RBFOX1: variants seen among roughly 807,000 people sequenced by gnomAD.
RBFOX1 encodes the protein RNA binding protein fox-1 homolog 1.
RBFOX1 carries 8 observed loss-of-function variants against 57.7 expected under a neutral mutation model. That is an observed-to-expected ratio of 0.14 (90% confidence interval 0.08 to 0.25). The LOEUF is 0.25. Among genes scored for constraint, RBFOX1 ranks in the 10% least tolerant of loss-of-function variants. RBFOX1 has a pLI of 1.00. For synonymous variants in RBFOX1, 326 were observed against 222.4 expected, an observed-to-expected ratio of 1.47 and a Z score of -4.15; for missense variants, 611 against 548.5, an observed-to-expected ratio of 1.11 and a Z score of -1.14.
intron 7 of RBFOX1, 43 bp from the exon 8 acceptor site, chr16:7,595,506 T>A (rs1257456042): frequency 1.4e-6 from 2 of 1,450,084 alleles, no homozygotes; most frequent in Non-Finnish European, 1.9e-6. Flanking sequence ...TTGACTGAAA[T>A]AATAATCTGC....
intron 3 of RBFOX1, among the ~76,000 whole-genome samples, chr16:7,011,244 T>A (rs138280450): frequency 6.6e-6 from 1 of 152,192 alleles, no homozygotes; most frequent in African/African-American, 2.4e-5. Context: ...TAAGGGCTTT[T>A]GCAACATTAA....
At chr16:7,398,957 T>C (rs888473533) in intron 4 of RBFOX1, among the ~76,000 whole-genome samples, 3 of 152,150 alleles carry the variant, frequency 2.0e-5, no homozygotes, top group Non-Finnish European at 4.4e-5. Flanking sequence ...TCTCTTCCAA[T>C]TGGGAGGCAA....
chr16:7,643,059 T>C (rs529733462), intron 11 of RBFOX1, among the ~76,000 whole-genome samples: 5 of 152,340 alleles, frequency 3.3e-5, no homozygotes, highest in African/African-American at 1.2e-4. Context: ...AATCTAGCCA[T>C]TTATAACCTG....
intron 3 of RBFOX1, among the ~76,000 whole-genome samples, chr16:6,764,675 G>A (rs77360442): frequency 0.36 from 55,425 of 151,998 alleles, 10,373 homozygotes; most frequent in Middle Eastern, 0.49. Context: ...AGTGGCTCAC[G>A]CCTGTAATCC....
chr16:5,315,408 C>G (rs2064209429), intron 1 of RBFOX1, among the ~76,000 whole-genome samples: 1 of 152,142 alleles, frequency 6.6e-6, no homozygotes, highest in South Asian at 2.1e-4. Context: ...GGATCTAAAT[C>G]AACAGTGAAA....
chr16:7,102,757 C>T (rs1032788395), intron 4 of RBFOX1, among the ~76,000 whole-genome samples: 1 of 152,162 alleles, frequency 6.6e-6, no homozygotes, highest in Non-Finnish European at 1.5e-5. Context: ...TAACCTTTTA[C>T]TAAGAATGAA....
intron 2 of RBFOX1, among the ~76,000 whole-genome samples, chr16:5,541,442 A>C (rs2044947915): frequency 6.6e-6 from 1 of 152,104 alleles, no homozygotes. Context: ...ACATTAATGA[A>C]TATAGGTAAG....
chr16:7,348,037 C>G (rs1157621778), intron 4 of RBFOX1, among the ~76,000 whole-genome samples: 1 of 152,224 alleles, frequency 6.6e-6, no homozygotes, highest in East Asian at 1.9e-4. Flanking sequence ...TCGATTTAAG[C>G]TCGTTGCCTC....
At chr16:5,590,414 A>T (rs536957411) in intron 2 of RBFOX1, among the ~76,000 whole-genome samples, 1 of 152,292 alleles carries the variant, frequency 6.6e-6, no homozygotes, top group African/African-American at 2.4e-5. Flanking sequence ...GTTGGGGGAA[A>T]TGAGGGTAGC....
chr16:5,325,191 C>T (rs1310876463), intron 1 of RBFOX1, among the ~76,000 whole-genome samples: 3 of 152,166 alleles, frequency 2.0e-5, no homozygotes, highest in South Asian at 4.1e-4. Context: ...TTCTTCTCTT[C>T]CTCTTTTCTC....
At chr16:7,476,204 C>T (rs1262605677) in intron 4 of RBFOX1, among the ~76,000 whole-genome samples, 1 of 151,982 alleles carries the variant, frequency 6.6e-6, no homozygotes, top group East Asian at 1.9e-4. Context: ...AACTGCTGGG[C>T]TCAAATGATC....
intron 3 of RBFOX1, among the ~76,000 whole-genome samples, chr16:6,671,505 G>A (rs1484813940): frequency 1.3e-5 from 2 of 152,150 alleles, no homozygotes; most frequent in Non-Finnish European, 2.9e-5. Context: ...AGTCTGTTGG[G>A]ATGCATCTAG....
chr16:7,229,730 G>C (rs1448448772), intron 4 of RBFOX1, among the ~76,000 whole-genome samples: 8 of 133,468 alleles, frequency 6.0e-5, no homozygotes, highest in African/African-American at 2.0e-4. Context: ...GGAAGCAAGG[G>C]AGGGAGGGGG....
chr16:7,272,373 CTG>C (rs1726092358), intron 4 of RBFOX1, among the ~76,000 whole-genome samples: 1 of 152,040 alleles, frequency 6.6e-6, no homozygotes, highest in African/African-American at 2.4e-5. Flanking sequence ...TTAGTAGAGA[CTG>C]TGTTCCGCCA....
At chr16:7,074,279 G>A (rs1455354074) in intron 4 of RBFOX1, among the ~76,000 whole-genome samples, 5 of 152,206 alleles carry the variant, frequency 3.3e-5, no homozygotes, top group Non-Finnish European at 5.9e-5. Context: ...GTTCGCAGAT[G>A]GGAAGTCTCA....
At position 7,482,541 on chromosome 16, in the gene RBFOX1, GATTT is replaced by G. The variant is rs1481642735; in HGVS notation, c.28-35605_28-35602del. On this transcript the variant is annotated intron_variant, in intron 4 of 15. Coordinates refer to ENST00000550418, the MANE Select transcript of RBFOX1 (RefSeq NM_018723.4). The stretch of plus-strand genomic sequence containing the variant: ...ATGCATCTTCCCTTTGATTGCCTGG[GATTT>G]TTTTTTTTTTTTTTTTTTTTTTTGG... Among the ~76,000 whole-genome samples, 1,149 of 122,700 alleles carry G rather than the reference GATTT, an allele frequency of 9.4e-3. 31 individuals carry two copies. Among genetic ancestry groups the G allele is most frequent in the African/African-American group, 0.038 (1,103 of 28,936 alleles). 80.5% of individuals were successfully genotyped at this position (122,700 alleles called of 152,430 possible). A position where few individuals can be genotyped will look rare whatever the true frequency, so the allele number is the denominator to read the frequency against.
intron 4 of RBFOX1, among the ~76,000 whole-genome samples, chr16:7,386,385 C>T (rs2097881981): frequency 6.6e-6 from 1 of 151,876 alleles, no homozygotes. Context: ...CCCCCAGCCC[C>T]CACCCCCCAA....
At chr16:6,047,843 A>T (rs1041371996) in intron 1 of RBFOX1, among the ~76,000 whole-genome samples, 1 of 152,126 alleles carries the variant, frequency 6.6e-6, no homozygotes, top group African/African-American at 2.4e-5. Context: ...TGCCTATTTT[A>T]TGCATGAAAA....
chr16:5,978,371 T>C (rs1004328005), intron 4 of RBFOX1, among the ~76,000 whole-genome samples: 1 of 152,000 alleles, frequency 6.6e-6, no homozygotes, highest in African/African-American at 2.4e-5. Flanking sequence ...TTGGGGATAA[T>C]TTTGGATTTG....
Sources: allele counts gnomAD v4.1 joint callset (sites outside exome capture counted in the v4.1 genomes callset), GRCh38; gene constraint gnomAD v4.1.1; transcripts MANE v1.5; gene names NCBI Gene and HGNC (gene_info 2026-07-23, HGNC 2026-07-21).